Variants in SUCLA2 observed in about 807,000 individuals in gnomAD.
SUCLA2 encodes the protein succinate-CoA ligase ADP-forming subunit beta, also known as succinate--CoA ligase [ADP-forming] subunit beta, mitochondrial.
A neutral mutation model predicts 54.8 loss-of-function variants in SUCLA2; 30 were observed. The ratio of observed to expected loss-of-function variants is 0.55; its 90% CI spans 0.41 to 0.74. SUCLA2 has a LOEUF of 0.74. SUCLA2 is among the 30% of genes least tolerant of loss of function. The probability of loss-of-function intolerance (pLI) is 0.00; values close to 1 mark genes in which losing one functional copy is unlikely to be tolerated. For missense variants in SUCLA2, 476 were observed against 562.9 expected (o/e 0.85, Z 1.56); for synonymous variants, 172 against 188.9 (o/e 0.91, Z 0.74).
At chr13:47,976,674 G>GT (rs1241787290) in intron 4 of SUCLA2, among the ~76,000 whole-genome samples, 1 of 152,154 alleles carries the variant, frequency 6.6e-6, no homozygotes, top group Non-Finnish European at 1.5e-5. Flanking sequence ...TTTTTAACAG[G>GT]TTGAGTACTC....
intron 4 of SUCLA2, among the ~76,000 whole-genome samples, chr13:47,981,402 A>G (rs1310737685): frequency 2.0e-5 from 3 of 152,218 alleles, no homozygotes; most frequent in Non-Finnish European, 4.4e-5. Context: ...GCAAATAAAA[A>G]CCACAGTGAA....
At position 47,943,305 on chromosome 13, in the gene SUCLA2, C is replaced by T. The variant is rs1173990203; in HGVS notation, c.*66G>A. The T allele has an allele frequency of 1.4e-6, 2 of 1,463,798 alleles. No homozygotes were observed. The highest frequency in any genetic ancestry group is 1.4e-5 in the African/African-American group (1 of 71,806). The allele number at this position is 1,463,798 out of a possible 1,614,324, so 90.7% of individuals were successfully genotyped here. ...ACTAAAAAGAAAAAGAACAATAACA[C>T]AGAACACAGTATTCTTAATGATTAT... On this transcript the variant is annotated 3_prime_UTR_variant, in exon 11 of 11. Coordinates refer to ENST00000646932, the MANE Select transcript of SUCLA2 (RefSeq NM_003850.3).
chr13:47,960,551 A>G (rs1949862081), intron 6 of SUCLA2, among the ~76,000 whole-genome samples: 1 of 152,232 alleles, frequency 6.6e-6, no homozygotes, highest in Admixed American at 6.5e-5. Flanking sequence ...TAATTTAATG[A>G]AGAAAAACTG....
intron 4 of SUCLA2, among the ~76,000 whole-genome samples, chr13:47,986,587 C>G (rs1252560868): frequency 6.6e-6 from 1 of 152,132 alleles, no homozygotes; most frequent in Non-Finnish European, 1.5e-5. Context: ...GTTGCAATTG[C>G]TTTTGGCGTT....
chr13:47,972,073 A>T (rs1949970993), intron 5 of SUCLA2: 1 of 382,668 alleles, frequency 2.6e-6, no homozygotes, highest in Non-Finnish European at 4.6e-6. Flanking sequence ...CAACATAGCA[A>T]AACCCCATCT....
intron 4 of SUCLA2, among the ~76,000 whole-genome samples, chr13:47,975,886 C>T (rs1452880798): frequency 6.6e-6 from 1 of 152,118 alleles, no homozygotes; most frequent in African/African-American, 2.4e-5. Flanking sequence ...GGCTTTCAGT[C>T]AAATTGTATC....
intron 5 of SUCLA2, among the ~76,000 whole-genome samples, chr13:47,969,329 T>C (rs1949943575): frequency 6.6e-6 from 1 of 152,236 alleles, no homozygotes; most frequent in Admixed American, 6.5e-5. Context: ...TAAGAATACA[T>C]GTCATACAGT....
chr13:47,999,502 T>G (rs1566094786), intron 1 of SUCLA2, among the ~76,000 whole-genome samples: 1 of 151,960 alleles, frequency 6.6e-6, no homozygotes. Context: ...GGTCAGGAGA[T>G]CGAGACCGTC....
chr13:47,991,540 C>T (rs117322739), intron 2 of SUCLA2: 2 of 152,204 alleles, frequency 1.3e-5, no homozygotes, highest in Non-Finnish European at 2.9e-5. Flanking sequence ...TCATCATCTT[C>T]GTACATATGT....
chr13:47,945,422 CAAA>C (rs10661341), intron 10 of SUCLA2, among the ~76,000 whole-genome samples: 3 of 50,006 alleles, frequency 6.0e-5, no homozygotes, highest in East Asian at 7.5e-4. Context: ...GACTCAGTCT[CAAA>C]AAAAAAAAAA....
chr13:47,988,067 A>G (rs542430533), intron 4 of SUCLA2: 59 of 159,220 alleles, frequency 3.7e-4, no homozygotes, highest in Non-Finnish European at 6.4e-4. Context: ...TCATCCCTCA[A>G]TTTACCAAAT....
intron 5 of SUCLA2, among the ~76,000 whole-genome samples, chr13:47,970,561 G>A (rs771911181): frequency 1.3e-5 from 2 of 151,932 alleles, no homozygotes; most frequent in Non-Finnish European, 2.9e-5. Context: ...ACTTTGTGCC[G>A]GTCAAAATTC....
At chr13:47,982,327 A>T (rs1317166218) in intron 4 of SUCLA2, among the ~76,000 whole-genome samples, 3 of 152,196 alleles carry the variant, frequency 2.0e-5, no homozygotes, top group Non-Finnish European at 4.4e-5. Flanking sequence ...CATTATGCTG[A>T]GATAAACCAG....
At chr13:47,957,907 T>G (rs933162238) in intron 6 of SUCLA2, among the ~76,000 whole-genome samples, 1 of 152,170 alleles carries the variant, frequency 6.6e-6, no homozygotes, top group Non-Finnish European at 1.5e-5. Context: ...TGGGGCTTGT[T>G]TGTTGCTGTA....
intron 10 of SUCLA2, among the ~76,000 whole-genome samples, chr13:47,945,446 C>G (rs1438901180): frequency 3.7e-5 from 2 of 54,722 alleles, no homozygotes; most frequent in Non-Finnish European, 8.7e-5. Flanking sequence ...AAAAAAAAAT[C>G]AAGAATCTAC....
intron 1 of SUCLA2, chr13:48,000,856 G>A (rs754998034): frequency 1.7e-6 from 2 of 1,168,264 alleles, no homozygotes; most frequent in Non-Finnish European, 2.1e-6. Flanking sequence ...GCCAGACGCC[G>A]GAATGGCAGC....
chr13:47,994,341 G>A (rs1477823296), intron 2 of SUCLA2, among the ~76,000 whole-genome samples: 5 of 152,020 alleles, frequency 3.3e-5, no homozygotes, highest in South Asian at 4.2e-4. Context: ...AGGCCTAGGC[G>A]GGTGGATCAC....
Position 48,000,963 on chromosome 13 carries a change from A to G in SUCLA2, c.90+217T>C, listed in dbSNP as rs932784348. 2.1e-5 allele frequency: 29 copies of G among 1,409,876 alleles called. No homozygotes were observed. The African/African-American group carries it at 3.9e-4, about 19-fold the overall frequency. The allele number at this position is 1,409,876 out of a possible 1,614,324, so 87.3% of individuals were successfully genotyped here. The stretch of plus-strand genomic sequence containing the variant: ...AGCAGCCACGGCCGGGCCGCCGGGG[A>G]TCCTCGCGGACTAAGGGCTGGGTCA... On this transcript the variant is annotated intron_variant, in intron 1 of 10. Transcript: ENST00000646932.
At chr13:47,994,650 ATTTC>A (rs2137751142) in intron 2 of SUCLA2, 1 of 169,956 alleles carries the variant, frequency 5.9e-6, no homozygotes, top group African/African-American at 2.4e-5. Flanking sequence ...AAAAACTAGC[ATTTC>A]TGCTCCTCTA....
Sources: gnomAD v4.1 joint callset for allele counts (sites outside exome capture counted in the v4.1 genomes callset) on GRCh38, gnomAD v4.1.1 for gene constraint, MANE v1.5 for transcripts, NCBI Gene and HGNC (gene_info 2026-07-23, HGNC 2026-07-21) for gene names.